Variants in DAZAP1 observed in about 807,000 individuals in gnomAD.
DAZAP1 encodes the protein DAZ associated protein 1, also known as DAZ-associated protein 1.
In DAZAP1, 6 loss-of-function variants were observed where a neutral mutation model predicts 60.1. The ratio of observed to expected loss-of-function variants is 0.10; its 90% CI spans 0.05 to 0.20. DAZAP1 has a LOEUF of 0.20. DAZAP1 is among the 10% of genes least tolerant of loss of function. The pLI, the probability that DAZAP1 is intolerant of heterozygous loss-of-function variation, is 1.00. For synonymous variants in DAZAP1, 235 were observed against 215.9 expected (o/e 1.09, Z -0.78); for missense variants, 366 against 560.4 (o/e 0.65, Z 3.50).
chr19:1,409,064 C>T (rs971475998), intron 1 of DAZAP1, among the ~76,000 whole-genome samples: 3 of 152,188 alleles, frequency 2.0e-5, no homozygotes, highest in Non-Finnish European at 2.9e-5. Context: ...TGTGGGCTCT[C>T]CCCCTCCCCA....
chr19:1,430,962 C>T (rs1010235132), intron 10 of DAZAP1, among the ~76,000 whole-genome samples: 28 of 150,166 alleles, frequency 1.9e-4, no homozygotes, highest in African/African-American at 6.6e-4. Flanking sequence ...ACCTTGTGAT[C>T]CGCCTGCCTC....
At chr19:1,410,289 C>A (rs573249714) in intron 1 of DAZAP1, among the ~76,000 whole-genome samples, 1 of 152,250 alleles carries the variant, frequency 6.6e-6, no homozygotes, top group South Asian at 2.1e-4. Context: ...GAAGCGCATA[C>A]GTGTGGTGGG....
intron 1 of DAZAP1, among the ~76,000 whole-genome samples, chr19:1,414,510 G>A (rs1161206559): frequency 6.6e-6 from 1 of 152,072 alleles, no homozygotes; most frequent in East Asian, 1.9e-4. Flanking sequence ...ACTTTGAGAG[G>A]CCGAGGCTGG....
rs555749215 is a variant in DAZAP1, at chr19:1,415,086, G to C, written c.30-2414G>C. 7.9e-5 allele frequency among the ~76,000 whole-genome samples: 12 copies of C among 152,188 alleles called. No individual in the cohort carries two copies. In the South Asian group the frequency reaches 2.5e-3, roughly 32 times the overall value. On this transcript the variant is annotated intron_variant, in intron 1 of 11. Coordinates refer to ENST00000233078, the MANE Select transcript of DAZAP1 (RefSeq NM_018959.4). ...GCTGAGAAAGACAGTACTGATACCA[G>C]GTTATCTAACCCCCCCGGCCCTGTT...
chr19:1,428,930 C>A lies in DAZAP1; in HGVS notation c.635C>A (p.Pro212His), dbSNP rs1187988208. The A allele has an allele frequency of 1.2e-5, 19 of 1,612,450 alleles. No individual in the cohort carries two copies. The highest frequency in any genetic ancestry group is 1.7e-5 in the Admixed American group (1 of 59,918). The change falls in exon 8 of 12, where the codon CCC (proline) becomes CAC (histidine). Residue 212 changes from proline to histidine, a missense_variant. Transcript: ENST00000233078. This position sits in a 1 kb window ranked among gnomAD's most constrained non-coding sequence, Gnocchi z 4.0. ...GASQWGSRVV[P>H]NAANGWAGQP... is the part of the protein sequence containing the mutation. ...AGCCAGTGGGGGAGCCGGGTTGTGC[C>A]CAACGCTGCCAATGGCTGGGCAGGC...
In DAZAP1 at chr19:1,435,585, G is replaced by C. The variant is rs1045759468; in HGVS notation, c.*673G>C. 4 of 152,284 alleles carry C rather than the reference G, an allele frequency of 2.6e-5. No individual in the cohort carries two copies. Among genetic ancestry groups the C allele is most frequent in the South Asian group, 2.1e-4 (1 of 4,838 alleles). 9.4% of individuals were successfully genotyped at this position (152,284 alleles called of 1,614,324 possible). ...ATCCCACGCAGCGCTGAACCGAACCGAGTAGGAAGCCTTTCTCCCCAGGCA... is the reference window on the plus strand; with the variant it reads ...ATCCCACGCAGCGCTGAACCGAACCCAGTAGGAAGCCTTTCTCCCCAGGCA... On this transcript the variant is annotated 3_prime_UTR_variant, in exon 12 of 12. Transcript: ENST00000233078.
rs1718173885 is a variant in DAZAP1, at chr19:1,422,774, G to A, written c.463+378G>A. 6.6e-6 allele frequency among the ~76,000 whole-genome samples: 1 copy of A among 152,026 alleles called. No homozygotes were observed. The highest frequency in any genetic ancestry group is 6.5e-5 in the Admixed American group (1 of 15,268). Reference sequence around the variant, plus strand: ...TTCGTGTCGTCAGCTGGGTCAGCTGGCTCGGTGTGGAGTTTGGATTTTCCG... The same window carrying A: ...TTCGTGTCGTCAGCTGGGTCAGCTGACTCGGTGTGGAGTTTGGATTTTCCG... On this transcript the variant is annotated intron_variant, in intron 6 of 11. Transcript: ENST00000233078. The surrounding 1 kb of genome is among the most constrained non-coding windows in gnomAD (Gnocchi z 4.5).
intron 4 of DAZAP1, 44 bp from the exon 5 acceptor site, chr19:1,421,104 G>A (rs1365946937): frequency 1.9e-6 from 3 of 1,587,970 alleles, no homozygotes; most frequent in Non-Finnish European, 2.6e-6. Flanking sequence ...GGGAGGGTTT[G>A]GAGGGTTCCC....
chr19:1,424,501 T>G (rs2083256909), intron 6 of DAZAP1, among the ~76,000 whole-genome samples: 1 of 151,588 alleles, frequency 6.6e-6, no homozygotes, highest in South Asian at 2.1e-4. Flanking sequence ...CTGCCCCGTT[T>G]CCATCTTTCC....
chr19:1,435,066 C>A lies in DAZAP1; in HGVS notation c.*154C>A. The A allele has an allele frequency of 3.5e-6, 2 of 565,872 alleles. No homozygotes were observed. The highest frequency in any genetic ancestry group is 3.3e-5 in the South Asian group (1 of 30,628). 35.1% of individuals were successfully genotyped at this position (565,872 alleles called of 1,614,324 possible). On this transcript the variant is annotated 3_prime_UTR_variant, in exon 12 of 12. Transcript: ENST00000233078. ...CTTTTGGAGCGGCTGTGGGTGTCGTCTGGACTGAGGTTTTTAAATATTTCT... is the reference window on the plus strand; with the variant it reads ...CTTTTGGAGCGGCTGTGGGTGTCGTATGGACTGAGGTTTTTAAATATTTCT...
intron 1 of DAZAP1, among the ~76,000 whole-genome samples, chr19:1,411,371 G>T (rs2082825945): frequency 6.6e-6 from 1 of 152,232 alleles, no homozygotes; most frequent in Non-Finnish European, 1.5e-5. Flanking sequence ...AATGTTCCCA[G>T]ACATCACCCA....
At chr19:1,413,731 G>T (rs2082893120) in intron 1 of DAZAP1, among the ~76,000 whole-genome samples, 1 of 152,172 alleles carries the variant, frequency 6.6e-6, no homozygotes, top group Non-Finnish European at 1.5e-5. Context: ...GCGGTGGGGA[G>T]CTCCAGACAC....
chr19:1,419,521 C>T (rs947610379), intron 4 of DAZAP1, among the ~76,000 whole-genome samples: 18 of 152,210 alleles, frequency 1.2e-4, no homozygotes, highest in Non-Finnish European at 8.8e-5. Context: ...ACCGTCAGCA[C>T]GCTGGAAAGC....
rs950403983 is a variant in DAZAP1 at position 1,425,613 on chromosome 19, C to T, written c.464-265C>T. On this transcript the variant is annotated intron_variant, in intron 6 of 11. Coordinates refer to ENST00000233078, the MANE Select transcript of DAZAP1 (RefSeq NM_018959.4). The surrounding 1 kb of genome is among the most constrained non-coding windows in gnomAD (Gnocchi z 5.4). ...ATCTTTGTGACACGGAGCCCCAGCC[C>T]GGGGTGTCTGGGGCGGAGGCTTGAC... Among the ~76,000 whole-genome samples the T allele has an allele frequency of 2.0e-5, 3 of 152,180 alleles. No homozygotes were observed. The highest frequency in any genetic ancestry group is 3.9e-4 in the East Asian group (2 of 5,192).
intron 1 of DAZAP1, among the ~76,000 whole-genome samples, chr19:1,411,709 C>G (rs2144706927): frequency 6.6e-6 from 1 of 152,360 alleles, no homozygotes; most frequent in Admixed American, 6.5e-5. Context: ...TTGGCTTTGC[C>G]AGAGAGACTG....
rs548013195 is a variant in DAZAP1, at chr19:1,412,452, C to T, written c.29+4650C>T. On this transcript the variant is annotated intron_variant, in intron 1 of 11. Coordinates refer to ENST00000233078, the MANE Select transcript of DAZAP1 (RefSeq NM_018959.4). The stretch of plus-strand genomic sequence containing the variant: ...TGTGCACGGAGCTGAGTGTGACTGG[C>T]GGAGCCCAGAGCCAGGTGGGGTCTG... Among the ~76,000 whole-genome samples, 4 of 152,338 alleles carry T rather than the reference C, an allele frequency of 2.6e-5. 1 individual carries two copies. Among genetic ancestry groups the T allele is most frequent in the South Asian group, 4.1e-4 (2 of 4,828 alleles).
rs1210090343 is a variant in DAZAP1, at chr19:1,430,232, A to G, written c.741A>G (p.Gly247=). Residue 247 remains glycine, a synonymous_variant, in exon 10 of 12, where the codon GGA becomes GGG. Coordinates refer to ENST00000233078, the MANE Select transcript of DAZAP1 (RefSeq NM_018959.4). ...TACTGTGTGTTTCAGGTGGCTATGG[A>G]CCGCCCCCTGCAGGAAGAGGAGCCC... ...VPAGQAIGGY[G]PPPAGRGAPP... 6.3e-7 allele frequency: 1 copy of G among 1,575,404 alleles called. No homozygotes were observed. Among genetic ancestry groups the G allele is most frequent in the Non-Finnish European group, 8.6e-7 (1 of 1,161,176 alleles).
At chr19:1,431,067 A>C (rs1398178545) in intron 10 of DAZAP1, among the ~76,000 whole-genome samples, 1 of 151,846 alleles carries the variant, frequency 6.6e-6, no homozygotes, top group Non-Finnish European at 1.5e-5. Context: ...CGTCACTTGT[A>C]ATTGAAAAGC....
chr19:1,410,008 G>A (rs548518782), intron 1 of DAZAP1: 7 of 152,472 alleles, frequency 4.6e-5, no homozygotes, highest in Admixed American at 1.3e-4. Context: ...AGGAGACTTG[G>A]AGCTTGGGAG....
Sources: gnomAD v4.1 joint callset for allele counts (sites outside exome capture counted in the v4.1 genomes callset) on GRCh38, gnomAD v4.1.1 for gene constraint, Gnocchi (gnomAD v3.1) non-coding constraint, MANE v1.5 for transcripts, NCBI Gene and HGNC (gene_info 2026-07-23, HGNC 2026-07-21) for gene names.